EPHA3: variants seen among roughly 807,000 people sequenced by gnomAD.
EPHA3 encodes EPH receptor A3.
A neutral mutation model predicts 107.1 loss-of-function variants in EPHA3; 42 were observed. The observed-to-expected ratio is 0.39, with a 90% CI of 0.31 to 0.51. The LOEUF is 0.51. EPHA3 is among the 20% of genes least tolerant of loss of function. EPHA3 has a pLI of 0.78. For missense variants in EPHA3, 1,183 were observed against 1,211.2 expected, an observed-to-expected ratio of 0.98 and a Z score of 0.35; for synonymous variants, 461 against 424.8, an observed-to-expected ratio of 1.09 and a Z score of -1.05.
At chr3:89,274,271 A>T (rs960603259) in intron 3 of EPHA3, among the ~76,000 whole-genome samples, 3 of 151,934 alleles carry the variant, frequency 2.0e-5, no homozygotes, top group African/African-American at 7.2e-5. Context: ...GCTGTGCTTT[A>T]AATTTATTTT....
intron 3 of EPHA3, among the ~76,000 whole-genome samples, chr3:89,318,178 A>C (rs1295023325): frequency 6.6e-6 from 1 of 151,924 alleles, no homozygotes; most frequent in African/African-American, 2.4e-5. Flanking sequence ...CATATTTTAC[A>C]ATCAGTTCTG....
intron 1 of EPHA3, among the ~76,000 whole-genome samples, chr3:89,112,114 C>A (rs1357851833): frequency 2.0e-5 from 3 of 151,986 alleles, no homozygotes; most frequent in Non-Finnish European, 4.4e-5. Flanking sequence ...ACCATTGCCA[C>A]GTGTTAGATC....
chr3:89,155,880 G>A (rs905097150), intron 2 of EPHA3, among the ~76,000 whole-genome samples: 4 of 151,986 alleles, frequency 2.6e-5, no homozygotes, highest in Admixed American at 2.6e-4. Context: ...TGGGAACCAA[G>A]TCGTACTGCA....
chr3:89,152,561 A>G (rs1704712209), intron 2 of EPHA3, among the ~76,000 whole-genome samples: 1 of 152,088 alleles, frequency 6.6e-6, no homozygotes, highest in South Asian at 2.1e-4. Flanking sequence ...TATATTTTTT[A>G]AAATGCTGGA....
intron 3 of EPHA3, among the ~76,000 whole-genome samples, chr3:89,248,459 G>C (rs1339152661): frequency 6.6e-6 from 1 of 152,170 alleles, no homozygotes; most frequent in Non-Finnish European, 1.5e-5. Context: ...CCAGTTGCCA[G>C]AACTTTGTCT....
chr3:89,444,130 C>T (rs1709834016), intron 13 of EPHA3, among the ~76,000 whole-genome samples: 1 of 152,130 alleles, frequency 6.6e-6, no homozygotes, highest in African/African-American at 2.4e-5. Context: ...TGAGTTAATA[C>T]TCCTTATCTT....
intron 3 of EPHA3, among the ~76,000 whole-genome samples, chr3:89,327,868 C>T (rs567519900): frequency 1.3e-5 from 2 of 152,024 alleles, no homozygotes; most frequent in Non-Finnish European, 2.9e-5. Flanking sequence ...GAGGCTGAGG[C>T]GCATGGATCA....
intron 5 of EPHA3, among the ~76,000 whole-genome samples, chr3:89,345,432 C>T (rs1228525089): frequency 6.6e-6 from 1 of 151,054 alleles, no homozygotes; most frequent in Non-Finnish European, 1.5e-5. Context: ...GAAAATATTG[C>T]AATAGTGTGC....
chr3:89,270,938 T>C (rs943400371), intron 3 of EPHA3, among the ~76,000 whole-genome samples: 1 of 152,108 alleles, frequency 6.6e-6, no homozygotes, highest in African/African-American at 2.4e-5. Context: ...TCATCCTCAT[T>C]GTATTCACAT....
At chr3:89,298,474 G>A (rs942101822) in intron 3 of EPHA3, among the ~76,000 whole-genome samples, 1 of 152,088 alleles carries the variant, frequency 6.6e-6, no homozygotes, top group African/African-American at 2.4e-5. Flanking sequence ...TTTTGTTAAG[G>A]ATCTCTGTTC....
At chr3:89,134,306 G>A (rs1398853208) in intron 2 of EPHA3, among the ~76,000 whole-genome samples, 1 of 151,726 alleles carries the variant, frequency 6.6e-6, no homozygotes, top group Non-Finnish European at 1.5e-5. Flanking sequence ...CCATGTTGGT[G>A]TGCTGCACCC....
At chr3:89,263,542 G>T (rs1200875205) in intron 3 of EPHA3, among the ~76,000 whole-genome samples, 2 of 152,128 alleles carry the variant, frequency 1.3e-5, no homozygotes, top group African/African-American at 4.8e-5. Flanking sequence ...AAGGAGATGG[G>T]GCAGGTAGGT....
intron 5 of EPHA3, among the ~76,000 whole-genome samples, chr3:89,394,130 G>T (rs1708801781): frequency 6.6e-6 from 1 of 152,148 alleles, no homozygotes; most frequent in South Asian, 2.1e-4. Context: ...ATTAAGTCAG[G>T]CCAAGTGTGG....
At chr3:89,189,995 G>T (rs758821684) in intron 2 of EPHA3, among the ~76,000 whole-genome samples, 1 of 152,066 alleles carries the variant, frequency 6.6e-6, no homozygotes, top group African/African-American at 2.4e-5. Context: ...CTGAAAACAG[G>T]TACCTCGTTC....
At chr3:89,431,737 CA>C (rs919626644) in intron 13 of EPHA3, among the ~76,000 whole-genome samples, 44 of 152,014 alleles carry the variant, frequency 2.9e-4, no homozygotes, top group Admixed American at 2.9e-3. Context: ...AAAGCACTTT[CA>C]AATCAATTTT....
intron 3 of EPHA3, among the ~76,000 whole-genome samples, chr3:89,214,351 G>A (rs1184960555): frequency 2.6e-5 from 4 of 151,900 alleles, no homozygotes; most frequent in African/African-American, 9.7e-5. Flanking sequence ...CAAGGTATTT[G>A]AACGTCATTA....
chr3:89,117,196 A>T (rs1196576853), intron 1 of EPHA3, among the ~76,000 whole-genome samples: 2 of 152,088 alleles, frequency 1.3e-5, no homozygotes. Flanking sequence ...TTTTCAATTA[A>T]TAGTTAAGAA....
chr3:89,374,780 A>T (rs1457605744), intron 5 of EPHA3, among the ~76,000 whole-genome samples: 12 of 151,518 alleles, frequency 7.9e-5, no homozygotes, highest in African/African-American at 2.7e-4. Context: ...TTATTTTCTA[A>T]CCTGAGAATG....
At chr3:89,410,597 A>G (rs1709140266) in intron 9 of EPHA3, among the ~76,000 whole-genome samples, 1 of 151,954 alleles carries the variant, frequency 6.6e-6, no homozygotes, top group Non-Finnish European at 1.5e-5. Context: ...AGATTTCTTT[A>G]CCTTACTGTT....
Sources: allele counts gnomAD v4.1 joint callset (sites outside exome capture counted in the v4.1 genomes callset), GRCh38; gene constraint gnomAD v4.1.1; transcripts MANE v1.5; gene names NCBI Gene and HGNC (gene_info 2026-07-23, HGNC 2026-07-21).